Variants in FAM50B observed in about 807,000 individuals in gnomAD.
The protein encoded by FAM50B is protein FAM50B.
FAM50B carries 9 observed loss-of-function variants against 25.4 expected under a neutral mutation model. That is an observed-to-expected ratio of 0.35 (90% CI 0.21 to 0.62). FAM50B has a LOEUF of 0.62. Among genes scored for constraint, FAM50B ranks in the 20% least tolerant of loss-of-function variants. FAM50B has a pLI of 0.73. For missense variants in FAM50B, 372 were observed against 477.9 expected (o/e 0.78, Z 2.07); for synonymous variants, 212 against 204.3 (o/e 1.04, Z -0.32).
rs981356308 is a variant in FAM50B, at chr6:3,850,557, CCTT to C, written c.749_751del (p.Phe250del). 2 of 1,613,980 alleles carry C rather than the reference CCTT, an allele frequency of 1.2e-6. No homozygotes were observed. Among genetic ancestry groups the C allele is most frequent in the East Asian group, 2.2e-5 (1 of 44,882 alleles). On this transcript the variant is annotated inframe_deletion, in exon 2 of 2. Coordinates refer to ENST00000648326, the MANE Select transcript of FAM50B (RefSeq NM_012135.3). ...GACCTCATCCTGCCGCACTACCACA[CCTT>C]CTACGACTTCATCATCGCCAGGGCG...
upstream of FAM50B, among the ~76,000 whole-genome samples, chr6:3,844,465 C>T (rs1762099403): frequency 6.6e-6 from 1 of 151,990 alleles, no homozygotes; most frequent in Non-Finnish European, 1.5e-5. Flanking sequence ...AATCCCAGCA[C>T]TTTGGGAGGC....
chr6:3,832,452 T>G, the FAM50B span, among the ~76,000 whole-genome samples: 1 of 152,226 alleles, frequency 6.6e-6, no homozygotes, highest in Non-Finnish European at 1.5e-5. Context: ...AACAGTTCCA[T>G]CCAACCAGCT....
chr6:3,837,279 A>T, the FAM50B span, among the ~76,000 whole-genome samples: 1 of 152,238 alleles, frequency 6.6e-6, no homozygotes, highest in Non-Finnish European at 1.5e-5. Flanking sequence ...ACAAGAGAAG[A>T]AAAAGAGAAG....
upstream of FAM50B, among the ~76,000 whole-genome samples, chr6:3,849,148 G>A (rs1419748762): frequency 2.0e-5 from 3 of 152,164 alleles, no homozygotes; most frequent in Non-Finnish European, 2.9e-5. Context: ...CAGGAGCCCC[G>A]GCCAGCCACG....
the FAM50B span, among the ~76,000 whole-genome samples, chr6:3,838,048 T>C: frequency 1.3e-5 from 2 of 152,240 alleles, no homozygotes; most frequent in African/African-American, 4.8e-5. Flanking sequence ...TTTCTGAGAA[T>C]GACAACTGAT....
the FAM50B span, among the ~76,000 whole-genome samples, chr6:3,838,273 T>G: frequency 1.3e-5 from 2 of 151,708 alleles, no homozygotes; most frequent in East Asian, 3.9e-4. Context: ...ATTGCACCAC[T>G]GCACTCCAGC....
chr6:3,850,761 A>G lies in FAM50B; in HGVS notation c.950A>G (p.Lys317Arg), dbSNP rs771251395. 6.2e-7 allele frequency: 1 copy of G among 1,613,946 alleles called. No homozygotes were observed. The highest frequency in any genetic ancestry group is 8.5e-7 in the Non-Finnish European group (1 of 1,180,016). Residue 317 changes from lysine (K) to arginine (R), a missense_variant, in exon 2 of 2, where the codon AAG (lysine) becomes AGG (arginine). Around this residue, in one of 4 missense-constraint regions of FAM50B, gnomAD observed 57 missense variants for 65.8 expected, o/e 0.87. Transcript: ENST00000648326. Reference protein sequence around the residue: ...ASRWEAYDPEKKWDKYTIR With the variant: ...ASRWEAYDPERKWDKYTIR ...CGCTGGGAGGCCTATGACCCCGAGA[A>G]GAAGTGGGACAAGTACACCATCCGC...
At chr6:3,837,424 C>T in the FAM50B span, among the ~76,000 whole-genome samples, 1 of 152,104 alleles carries the variant, frequency 6.6e-6, no homozygotes, top group Non-Finnish European at 1.5e-5. Context: ...TCTGAACAGA[C>T]ATTTTACTAA....
the FAM50B span, among the ~76,000 whole-genome samples, chr6:3,840,117 T>C: frequency 1.3e-5 from 2 of 151,870 alleles, no homozygotes; most frequent in Non-Finnish European, 2.9e-5. Flanking sequence ...CTCAGCCTCC[T>C]GAGTAGTTGG....
At chr6:3,842,795 A>G in the FAM50B span, among the ~76,000 whole-genome samples, 3 of 152,248 alleles carry the variant, frequency 2.0e-5, no homozygotes, top group Non-Finnish European at 4.4e-5. Flanking sequence ...ATAAAAGCAT[A>G]TTATGAAAAT....
At chr6:3,849,743 T>G (rs2113031821) in intron 1 of FAM50B, 46 bp from the exon 2 acceptor site, 2 of 1,505,842 alleles carry the variant, frequency 1.3e-6, no homozygotes, top group South Asian at 1.3e-5. Context: ...TCCCCGCCGT[T>G]GCGTGGGCCC....
At chr6:3,838,092 ATTAAG>A in the FAM50B span, among the ~76,000 whole-genome samples, 1 of 152,258 alleles carries the variant, frequency 6.6e-6, no homozygotes, top group African/African-American at 2.4e-5. Context: ...AGTAGATTTT[ATTAAG>A]TTAAACAAAG....
At chr6:3,834,201 C>T in the FAM50B span, among the ~76,000 whole-genome samples, 1 of 151,658 alleles carries the variant, frequency 6.6e-6, no homozygotes, top group African/African-American at 2.4e-5. Flanking sequence ...ACTGAGTGAA[C>T]GTGTGTGACA....
At chr6:3,834,951 G>T in the FAM50B span, among the ~76,000 whole-genome samples, 2 of 151,942 alleles carry the variant, frequency 1.3e-5, no homozygotes, top group Non-Finnish European at 2.9e-5. Context: ...GTGTAGAACT[G>T]CATAGAGGCT....
chr6:3,844,158 A>AGTTTAAGT, the FAM50B span, among the ~76,000 whole-genome samples: 1 of 152,186 alleles, frequency 6.6e-6, no homozygotes, highest in Non-Finnish European at 1.5e-5. Flanking sequence ...TTGTTAAAAT[A>AGTTTAAGT]GTTTAAGTTT....
At chr6:3,840,373 T>C in the FAM50B span, among the ~76,000 whole-genome samples, 21 of 151,966 alleles carry the variant, frequency 1.4e-4, no homozygotes, top group Non-Finnish European at 2.9e-4. Flanking sequence ...CCCGGGAGAC[T>C]GAAGCAGGAA....
At chr6:3,847,832 T>TA (rs1415473610), upstream of FAM50B, among the ~76,000 whole-genome samples, 1 of 152,250 alleles carries the variant, frequency 6.6e-6, no homozygotes, top group Non-Finnish European at 1.5e-5. Context: ...CTTGAACACT[T>TA]AGAGGCCATT....
chr6:3,848,957 G>A (rs983880357), upstream of FAM50B, among the ~76,000 whole-genome samples: 4 of 151,976 alleles, frequency 2.6e-5, no homozygotes, highest in African/African-American at 9.7e-5. Flanking sequence ...ACGCCACAGC[G>A]GGGTAGCATC....
At chr6:3,839,873 C>T in the FAM50B span, among the ~76,000 whole-genome samples, 11 of 152,248 alleles carry the variant, frequency 7.2e-5, no homozygotes, top group Middle Eastern at 3.4e-3. Flanking sequence ...GGGCCGGGAG[C>T]GGTGGCTCAA....
Sources: gnomAD v4.1 joint callset for allele counts (sites outside exome capture counted in the v4.1 genomes callset) on GRCh38, gnomAD v4.1.1 for gene constraint, gnomAD v4.1.1 regional missense constraint, MANE v1.5 for transcripts, NCBI Gene and HGNC (gene_info 2026-07-23, HGNC 2026-07-21) for gene names.